Variants in VCAN observed in about 807,000 individuals in gnomAD.
The protein encoded by VCAN is versican core protein.
In VCAN, 44 loss-of-function variants were observed where a neutral mutation model predicts 245.5. That is an observed-to-expected ratio of 0.18 (90% CI 0.14 to 0.23). The LOEUF is 0.23. Among genes scored for constraint, VCAN ranks in the 10% least tolerant of loss-of-function variants. The pLI, the probability that VCAN is intolerant of heterozygous loss-of-function variation, is 1.00. For synonymous variants in VCAN, 1,413 were observed against 1,437.0 expected, an observed-to-expected ratio of 0.98 and a Z score of 0.38; for missense variants, 3,793 against 4,057.9, an observed-to-expected ratio of 0.93 and a Z score of 1.77.
At chr5:83,494,914 C>T (rs751453352) in intron 5 of VCAN, among the ~76,000 whole-genome samples, 9 of 152,098 alleles carry the variant, frequency 5.9e-5, no homozygotes, top group Non-Finnish European at 1.3e-4. Flanking sequence ...GGTGTGGAGG[C>T]TGTAGCGAGC....
chr5:83,498,260 A>G (rs1324404034), intron 5 of VCAN, among the ~76,000 whole-genome samples: 1 of 152,106 alleles, frequency 6.6e-6, no homozygotes, highest in East Asian at 1.9e-4. Context: ...TGAATGTATG[A>G]CTATAATTAC....
In VCAN at chr5:83,580,733, AC is replaced by A; in HGVS notation, c.*300del. The stretch of plus-strand genomic sequence containing the variant: ...TTCCTAATGTATACCAGCCTACTGT[AC>A]TATTTAAAATGCTCAATTTCAGCAC... On this transcript the variant is annotated 3_prime_UTR_variant, in exon 15 of 15. Transcript: ENST00000265077. The A allele has an allele frequency of 2.6e-6, 1 of 387,598 alleles. No individual in the cohort carries two copies. Among genetic ancestry groups the A allele is most frequent in the South Asian group, 2.2e-5 (1 of 44,910 alleles). 24.0% of individuals were successfully genotyped at this position (387,598 alleles called of 1,614,324 possible).
chr5:83,495,620 C>T (rs574941054), intron 5 of VCAN, among the ~76,000 whole-genome samples: 7 of 152,178 alleles, frequency 4.6e-5, no homozygotes, highest in Admixed American at 4.6e-4. Flanking sequence ...TGGATTATTG[C>T]TATTTTGGTA....
intron 7 of VCAN, among the ~76,000 whole-genome samples, chr5:83,529,021 CACACAT>C (rs1303675139): frequency 6.6e-6 from 1 of 150,560 alleles, no homozygotes. Context: ...CACACACACA[CACACAT>C]ATATGTATAC....
At chr5:83,479,649 T>C (rs1561223514) in intron 1 of VCAN, among the ~76,000 whole-genome samples, 2 of 151,742 alleles carry the variant, frequency 1.3e-5, no homozygotes, top group South Asian at 4.2e-4. Flanking sequence ...GGATTTGGAG[T>C]GGTGCTAAAA....
In VCAN at chr5:83,490,131, C is replaced by G; in HGVS notation, c.104C>G (p.Ser35Cys). 6.2e-7 allele frequency: 1 copy of G among 1,614,080 alleles called. No homozygotes were observed. Among genetic ancestry groups the G allele is most frequent in the Non-Finnish European group, 8.5e-7 (1 of 1,180,020 alleles). Residue 35 changes from serine (S) to cysteine (C), a missense_variant, in exon 3 of 15, where the codon TCC (serine) becomes TGC (cysteine). Ser to Cys is a moderately radical substitution (Grantham distance 112). Around this residue, in one of 5 missense-constraint regions of VCAN, gnomAD observed 179 missense variants for 169.7 expected, o/e 1.05. Transcript: ENST00000265077. Reference protein sequence around the residue: ...KVGKSPPVRGSLSGKVSLPCH... With the variant: ...KVGKSPPVRGCLSGKVSLPCH... ...GGAAAAAGCCCACCGGTGAGGGGCT[C>G]CCTCTCTGGAAAAGTCAGCCTACCT...
intron 11 of VCAN, 102 bp downstream of exon 11, chr5:83,553,624 T>A: frequency 6.8e-7 from 1 of 1,462,822 alleles, no homozygotes; most frequent in Middle Eastern, 2.0e-4. Flanking sequence ...TCAATCATAA[T>A]ACAACTTATC....
chr5:83,515,915 C>T (rs1426241320), intron 6 of VCAN, among the ~76,000 whole-genome samples: 1 of 152,068 alleles, frequency 6.6e-6, no homozygotes, highest in Admixed American at 6.6e-5. Context: ...GTTAGCATTC[C>T]ATCACTCATA....
chr5:83,565,061 C>T (rs897444077), intron 12 of VCAN, among the ~76,000 whole-genome samples: 3 of 152,054 alleles, frequency 2.0e-5, no homozygotes, highest in African/African-American at 7.2e-5. Context: ...GTTACAGATT[C>T]AAGATTTGCC....
rs1174561637 is a variant in VCAN at position 83,543,293 on chromosome 5, T to C, written c.9265+1025T>C. Among the ~76,000 whole-genome samples, 4 of 152,132 alleles carry C rather than the reference T, an allele frequency of 2.6e-5. No homozygotes were observed. The East Asian group carries it at 7.7e-4, about 29-fold the overall frequency. ...TTATTATTTAAATTAACAATGTCAG[T>C]GGAATCCACAAATAGACATCACCAC... On this transcript the variant is annotated intron_variant, in intron 8 of 14. Coordinates refer to ENST00000265077, the MANE Select transcript of VCAN (RefSeq NM_004385.5).
intron 2 of VCAN, among the ~76,000 whole-genome samples, chr5:83,486,768 T>G (rs1013161090): frequency 6.6e-6 from 1 of 152,222 alleles, no homozygotes; most frequent in Non-Finnish European, 1.5e-5. Context: ...TCTTTGTAAA[T>G]CCATGATCAC....
chr5:83,539,158 A>G lies in VCAN; in HGVS notation c.6155A>G (p.Asn2052Ser), dbSNP rs764792996. The G allele has an allele frequency of 4.5e-5, 72 of 1,613,892 alleles. No individual in the cohort carries two copies. The highest frequency in any genetic ancestry group is 6.0e-5 in the Non-Finnish European group (71 of 1,179,984). The stretch of plus-strand genomic sequence containing the variant: ...GGATTGGGAGAAGTGGGTACTGTCA[A>G]TGAAATTGATAGAAGATCCACCATT... ...DEGLGEVGTV[N>S]EIDRRSTILP... The change falls in exon 8 of 15, where the codon AAT becomes AGT. Residue 2052 changes from asparagine to serine, a missense_variant. Physicochemically the swap from Asn to Ser is conservative, Grantham distance 46. This residue lies in a region of VCAN where 3,182 missense variants were observed against 3,250.3 expected (regional missense o/e 0.98). Transcript: ENST00000265077.
At chr5:83,548,109 T>A in intron 10 of VCAN, 25 bp downstream of exon 10, 3 of 1,571,990 alleles carry the variant, frequency 1.9e-6, no homozygotes, top group Non-Finnish European at 2.6e-6. Context: ...AACATTTGTA[T>A]GATGAACATT....
In VCAN at chr5:83,493,842, A is replaced by G; in HGVS notation, c.659A>G (p.Asp220Gly). The change falls in exon 5 of 15, where the codon GAT (aspartate) becomes GGT (glycine). Residue 220 changes from aspartate (D) to glycine (G), a missense_variant. Coordinates refer to ENST00000265077, the MANE Select transcript of VCAN (RefSeq NM_004385.5). ...IRAPRVGCYGDKMGKAGVRTY... is the reference protein window; with the variant it reads ...IRAPRVGCYGGKMGKAGVRTY... ...GCTCCCAGAGTAGGCTGTTATGGAG[A>G]TAAGATGGGAAAGGCAGGAGTCAGG... is the stretch of plus-strand genomic sequence containing the variant. 6.2e-7 allele frequency: 1 copy of G among 1,614,076 alleles called. No individual in the cohort carries two copies.
In VCAN at chr5:83,521,243, C is replaced by A. The variant is rs886060819; in HGVS notation, c.2937C>A (p.Pro979=). 3 of 1,614,036 alleles carry A rather than the reference C, an allele frequency of 1.9e-6. No individual in the cohort carries two copies. Among genetic ancestry groups the A allele is most frequent in the Non-Finnish European group, 2.5e-6 (3 of 1,179,920 alleles). ...SSHTIPLSVI[P]KTDWGVLVPS... ...ATACCATTCCTCTTTCTGTAATTCC[C>A]AAGACAGACTGGGGAGTGTTAGTAC... Residue 979 remains proline (P), a synonymous_variant, in exon 7 of 15, where the codon CCC becomes CCA. Transcript: ENST00000265077.
At position 83,475,158 on chromosome 5, in the gene VCAN, G is replaced by A. The variant is rs73769469; in HGVS notation, c.-7+3135G>A. On this transcript the variant is annotated intron_variant, in intron 1 of 14. Coordinates refer to ENST00000265077, the MANE Select transcript of VCAN (RefSeq NM_004385.5). ...ATGGGGGCAAACATGGAAGGGCTGC[G>A]AGTGTAACTGAGGTTCCTGTGCCTC... 9.6e-3 allele frequency among the ~76,000 whole-genome samples: 1,458 copies of A among 152,272 alleles called. 19 individuals are homozygous for A. The highest frequency in any genetic ancestry group is 0.033 in the African/African-American group (1,385 of 41,528).
chr5:83,579,305 C>T (rs946869449), intron 13 of VCAN, among the ~76,000 whole-genome samples: 6 of 152,086 alleles, frequency 3.9e-5, no homozygotes, highest in South Asian at 2.1e-4. Flanking sequence ...TGCTCTGTCA[C>T]GAGGCTGGAG....
Position 83,541,339 on chromosome 5 carries a change from A to C in VCAN, c.8336A>C (p.Tyr2779Ser). ...GAGGCATTAGTAGACCATACTCCCT[A>C]TCTAAGTATTGCTACTACCCACCTT... ...AEEALVDHTPYLSIATTHLMD... is the reference protein window; with the variant it reads ...AEEALVDHTPSLSIATTHLMD... The change falls in exon 8 of 15, where the codon TAT becomes TCT. Residue 2779 changes from tyrosine to serine, a missense_variant. By Grantham distance (144) the Tyr-to-Ser change is moderately radical (BLOSUM62 -2). Around this residue, in one of 5 missense-constraint regions of VCAN, gnomAD observed 3,182 missense variants for 3,250.3 expected, o/e 0.98. Transcript: ENST00000265077. 6.2e-7 allele frequency: 1 copy of C among 1,614,090 alleles called. No individual in the cohort carries two copies.
chr5:83,537,760 T>A lies in VCAN; in HGVS notation c.4757T>A (p.Ile1586Lys). ...ACTTCTGTCACATACACTCCCACTA[T>A]AGTTCCAAGTTCTGCATCAGCATAT... ...KSTSVTYTPT[I>K]VPSSASAYVS... is the part of the protein sequence containing the mutation. Residue 1586 changes from isoleucine to lysine, a missense_variant, in exon 8 of 15, where the codon ATA becomes AAA. By Grantham distance (102) the Ile-to-Lys change is moderately radical. Around this residue, in one of 5 missense-constraint regions of VCAN, gnomAD observed 3,182 missense variants for 3,250.3 expected, o/e 0.98. Coordinates refer to ENST00000265077, the MANE Select transcript of VCAN (RefSeq NM_004385.5). 1 of 1,614,010 alleles carries A rather than the reference T, an allele frequency of 6.2e-7. No individual in the cohort carries two copies. Among genetic ancestry groups the A allele is most frequent in the Non-Finnish European group, 8.5e-7 (1 of 1,179,954 alleles).
Sources: gnomAD v4.1 joint callset for allele counts (sites outside exome capture counted in the v4.1 genomes callset) on GRCh38, gnomAD v4.1.1 for gene constraint, gnomAD v4.1.1 regional missense constraint, MANE v1.5 for transcripts, NCBI Gene and HGNC (gene_info 2026-07-23, HGNC 2026-07-21) for gene names.